Variants in CAMK4 observed in about 807,000 individuals in gnomAD.
CAMK4 encodes the protein calcium/calmodulin dependent protein kinase IV.
CAMK4 carries 22 observed loss-of-function variants against 44.9 expected under a neutral mutation model. The observed-to-expected ratio is 0.49, with a 90% CI of 0.35 to 0.70. CAMK4 has a LOEUF of 0.70. Among genes scored for constraint, CAMK4 ranks in the 30% least tolerant of loss-of-function variants. The probability of loss-of-function intolerance (pLI) is 0.01; values close to 1 mark genes in which losing one functional copy is unlikely to be tolerated. For synonymous variants in CAMK4, 218 were observed against 215.4 expected (o/e 1.01, Z -0.11); for missense variants, 498 against 586.8 (o/e 0.85, Z 1.56).
Position 111,484,146 on chromosome 5 carries a change from G to C in CAMK4, c.1102G>C (p.Asp368His), listed in dbSNP as rs376502428. ...TTCTCCAATCCAAGATGGCAACGAGGACATGAAAGCTATTCCAGAAGGAGA... is the reference window on the plus strand; with the variant it reads ...TTCTCCAATCCAAGATGGCAACGAGCACATGAAAGCTATTCCAGAAGGAGA... ...DPSPIQDGNE[D>H]MKAIPEGEKI... The change falls in exon 11 of 11, where the codon GAC becomes CAC. Residue 368 changes from aspartate (D) to histidine (H), a missense_variant. Physicochemically the swap from Asp to His is moderately conservative, Grantham distance 81. Coordinates refer to ENST00000282356, the MANE Select transcript of CAMK4 (RefSeq NM_001744.6). The surrounding 1 kb of genome is among the most constrained non-coding windows in gnomAD (Gnocchi z 5.3). The C allele has an allele frequency of 1.8e-5, 29 of 1,614,188 alleles. No individual in the cohort carries two copies. Among genetic ancestry groups the C allele is most frequent in the Non-Finnish European group, 2.4e-5 (28 of 1,180,030 alleles).
At chr5:111,367,090 A>G (rs1314788542) in intron 2 of CAMK4, among the ~76,000 whole-genome samples, 5 of 151,086 alleles carry the variant, frequency 3.3e-5, no homozygotes, top group Non-Finnish European at 5.9e-5. Flanking sequence ...CTATGAGTCC[A>G]CTGCTGTCAA....
chr5:111,337,436 A>G (rs1749453391), intron 1 of CAMK4, among the ~76,000 whole-genome samples: 1 of 151,056 alleles, frequency 6.6e-6, no homozygotes, highest in East Asian at 2.0e-4. Flanking sequence ...TGTTTTCAAA[A>G]GTGGCTATAC....
chr5:111,309,272 C>T (rs1282328381), intron 1 of CAMK4, among the ~76,000 whole-genome samples: 1 of 152,130 alleles, frequency 6.6e-6, no homozygotes, highest in Non-Finnish European at 1.5e-5. Flanking sequence ...TCTGCCTGGG[C>T]TGAGAGATGT....
At chr5:111,281,499 CAT>C (rs1173056880) in intron 1 of CAMK4, among the ~76,000 whole-genome samples, 1 of 152,270 alleles carries the variant, frequency 6.6e-6, no homozygotes, top group East Asian at 1.9e-4. Context: ...GTAAAGCACA[CAT>C]ATCATTCCTC....
chr5:111,438,294 C>G (rs1238800170), intron 5 of CAMK4, among the ~76,000 whole-genome samples: 1 of 152,132 alleles, frequency 6.6e-6, no homozygotes, highest in Non-Finnish European at 1.5e-5. Flanking sequence ...AATTGGAAAT[C>G]CTTTTAAGAT....
chr5:111,252,280 A>G (rs1174891989), intron 1 of CAMK4, among the ~76,000 whole-genome samples: 1 of 152,176 alleles, frequency 6.6e-6, no homozygotes, highest in Non-Finnish European at 1.5e-5. Flanking sequence ...CTGCTGTAGT[A>G]TCATCCGTGC....
chr5:111,230,411 G>T (rs2112493995), intron 1 of CAMK4, among the ~76,000 whole-genome samples: 1 of 152,310 alleles, frequency 6.6e-6, no homozygotes, highest in Non-Finnish European at 1.5e-5. Flanking sequence ...ATCCACTAAA[G>T]TTAATGCATA....
chr5:111,405,485 A>T (rs528544380), intron 5 of CAMK4, among the ~76,000 whole-genome samples: 2 of 152,160 alleles, frequency 1.3e-5, no homozygotes, highest in African/African-American at 4.8e-5. Context: ...ACAAAACAAA[A>T]AAAAAGACGA....
At chr5:111,383,324 C>A (rs1751484392) in intron 4 of CAMK4, among the ~76,000 whole-genome samples, 1 of 152,124 alleles carries the variant, frequency 6.6e-6, no homozygotes, top group Non-Finnish European at 1.5e-5. Context: ...CTAGATTAAT[C>A]AAAGCAATTT....
At position 111,478,447 on chromosome 5, in the gene CAMK4, T is replaced by A. The variant is rs1375510009; in HGVS notation, c.768T>A (p.Asn256Lys). The change falls in exon 9 of 11, where the codon AAT becomes AAA. Residue 256 changes from asparagine (N) to lysine (K), a missense_variant. Transcript: ENST00000282356. ...GDQFMFRRIL[N>K]CEYYFISPWW... Reference sequence around the variant, plus strand: ...AGTTCATGTTCAGGAGAATTCTGAATTGTGAATATTACTTTATCTCCCCCT... The same window carrying A: ...AGTTCATGTTCAGGAGAATTCTGAAATGTGAATATTACTTTATCTCCCCCT... 1 of 1,561,370 alleles carries A rather than the reference T, an allele frequency of 6.4e-7. No homozygotes were observed. Among genetic ancestry groups the A allele is most frequent in the Admixed American group, 1.7e-5 (1 of 59,188 alleles).
intron 7 of CAMK4, among the ~76,000 whole-genome samples, chr5:111,467,716 G>A (rs1327240133): frequency 6.6e-6 from 1 of 152,122 alleles, no homozygotes; most frequent in Non-Finnish European, 1.5e-5. Flanking sequence ...ATGTTGGTGT[G>A]GATGTGGTGA....
At chr5:111,334,205 C>G (rs1183787727) in intron 1 of CAMK4, among the ~76,000 whole-genome samples, 1 of 151,578 alleles carries the variant, frequency 6.6e-6, no homozygotes, top group Admixed American at 6.6e-5. Flanking sequence ...ACCTCCAGAT[C>G]TAACGGCAAC....
At chr5:111,342,356 T>G (rs1749680914) in intron 1 of CAMK4, among the ~76,000 whole-genome samples, 1 of 151,512 alleles carries the variant, frequency 6.6e-6, no homozygotes, top group Non-Finnish European at 1.5e-5. Flanking sequence ...GTTGACGCCT[T>G]CGTAATTAAT....
Position 111,418,014 on chromosome 5 carries a change from GA to G in CAMK4, c.459+23234del, listed in dbSNP as rs151184553. 7.6e-3 allele frequency among the ~76,000 whole-genome samples: 1,147 copies of G among 151,744 alleles called. 9 individuals carry two copies. Among genetic ancestry groups the G allele is most frequent in the East Asian group, 0.013 (68 of 5,168 alleles). ...TATTTTGGAGGTTTTTTTTTTAGGA[GA>G]ATATGAGTCCTGGGGATTTTCATTT... On this transcript the variant is annotated intron_variant, in intron 5 of 10. Transcript: ENST00000282356.
rs114155970 is a variant in CAMK4 at position 111,433,250 on chromosome 5, G to T, written c.460-13436G>T. Among the ~76,000 whole-genome samples, 1,491 of 152,266 alleles carry T rather than the reference G, an allele frequency of 9.8e-3. 29 individuals carry two copies. The highest frequency in any genetic ancestry group is 0.034 in the African/African-American group (1,418 of 41,548). On this transcript the variant is annotated intron_variant, in intron 5 of 10. Coordinates refer to ENST00000282356, the MANE Select transcript of CAMK4 (RefSeq NM_001744.6). ...CAACAAGACTCAAAGGTTTAAAAGG[G>T]CTTGATGACTGAGGAAGGAGTAATC...
At position 111,323,422 on chromosome 5, in the gene CAMK4, G is replaced by A. The variant is rs147243323; in HGVS notation, c.162-20602G>A. Among the ~76,000 whole-genome samples the A allele has an allele frequency of 8.5e-3, 1,293 of 152,034 alleles. 7 individuals are homozygous for A. Among genetic ancestry groups the A allele is most frequent in the East Asian group, 0.022 (115 of 5,164 alleles). Reference sequence around the variant, plus strand: ...TCAAACCACTTGTAAATTGAGGACCGTTGGCTGTGTTGCCAGCATTAAATG... The same window carrying A: ...TCAAACCACTTGTAAATTGAGGACCATTGGCTGTGTTGCCAGCATTAAATG... On this transcript the variant is annotated intron_variant, in intron 1 of 10. Transcript: ENST00000282356.
intron 7 of CAMK4, among the ~76,000 whole-genome samples, chr5:111,468,686 T>C (rs1754933186): frequency 6.6e-6 from 1 of 152,132 alleles, no homozygotes; most frequent in Non-Finnish European, 1.5e-5. Context: ...TAACTAGTAA[T>C]TTAAAATATT....
intron 5 of CAMK4, among the ~76,000 whole-genome samples, chr5:111,429,108 C>A (rs537076070): frequency 1.3e-4 from 20 of 151,820 alleles, no homozygotes; most frequent in Non-Finnish European, 2.5e-4. Context: ...CAAACCAAAC[C>A]TAAACTTAGT....
At chr5:111,384,598 G>A (rs1345998912) in intron 4 of CAMK4, among the ~76,000 whole-genome samples, 1 of 152,068 alleles carries the variant, frequency 6.6e-6, no homozygotes, top group Non-Finnish European at 1.5e-5. Flanking sequence ...CCCCTTCCCT[G>A]TGAACTGATT....
Sources: gnomAD v4.1 joint callset for allele counts (sites outside exome capture counted in the v4.1 genomes callset) on GRCh38, gnomAD v4.1.1 for gene constraint, Gnocchi (gnomAD v3.1) non-coding constraint, MANE v1.5 for transcripts, NCBI Gene and HGNC (gene_info 2026-07-23, HGNC 2026-07-21) for gene names.